The following PPP2R5D variants were observed in gnomAD, a reference collection of about 807,000 sequenced individuals.
PPP2R5D encodes serine/threonine-protein phosphatase 2A 56 kDa regulatory subunit delta isoform.
PPP2R5D carries 12 observed loss-of-function variants against 79.1 expected under a neutral mutation model. The observed-to-expected ratio is 0.15, with a 90% CI of 0.10 to 0.25. The LOEUF (loss-of-function observed/expected upper bound fraction) is 0.25, where lower values mean the gene tolerates loss of function less well. Among genes scored for constraint, PPP2R5D ranks in the 10% least tolerant of loss-of-function variants. PPP2R5D has a pLI of 1.00. For missense variants in PPP2R5D, 419 were observed against 760.2 expected, an observed-to-expected ratio of 0.55 and a Z score of 5.28; for synonymous variants, 277 against 286.6, an observed-to-expected ratio of 0.97 and a Z score of 0.34.
chr6:42,999,763 T>G (rs1772045080), intron 2 of PPP2R5D, among the ~76,000 whole-genome samples: 1 of 151,802 alleles, frequency 6.6e-6, no homozygotes, highest in South Asian at 2.1e-4. Flanking sequence ...GATAGGGTTT[T>G]GCTATGTTGG....
rs1561850470 is a variant in PPP2R5D, at chr6:43,007,628, AG to A, written c.726+124del. 2.0e-6 allele frequency: 2 copies of A among 1,009,906 alleles called. No individual in the cohort carries two copies. The highest frequency in any genetic ancestry group is 1.5e-6 in the Non-Finnish European group (1 of 669,216). The allele number at this position is 1,009,906 out of a possible 1,614,324, so 62.6% of individuals were successfully genotyped here. ...GGTTTCATCCATGTCTGGTACGAGG[AG>A]GCTATAAAGGGTAAAAAACAAAACA... On this transcript the variant is annotated intron_variant, in intron 6 of 15. Coordinates refer to ENST00000485511, the MANE Select transcript of PPP2R5D (RefSeq NM_006245.4). This position sits in a 1 kb window ranked among gnomAD's most constrained non-coding sequence, Gnocchi z 4.5.
At position 43,011,613 on chromosome 6, in the gene PPP2R5D, GCTC is replaced by G. The variant is rs1336860247; in HGVS notation, c.*331_*333del. The G allele has an allele frequency of 3.8e-5, 14 of 365,242 alleles. No homozygotes were observed. Among genetic ancestry groups the G allele is most frequent in the South Asian group, 1.0e-4 (3 of 29,742 alleles). 22.6% of individuals were successfully genotyped at this position (365,242 alleles called of 1,614,324 possible). A position where few individuals can be genotyped will look rare whatever the true frequency, so the allele number is the denominator to read the frequency against. ...GAGAAGTACACACAGGAATACATAC[GCTC>G]CTCTATTCTTCCCTTCATCCTCATT... On this transcript the variant is annotated 3_prime_UTR_variant, in exon 16 of 16. Coordinates refer to ENST00000485511, the MANE Select transcript of PPP2R5D (RefSeq NM_006245.4).
chr6:43,001,160 T>C (rs186577162), intron 2 of PPP2R5D, among the ~76,000 whole-genome samples: 19 of 152,030 alleles, frequency 1.2e-4, no homozygotes, highest in Admixed American at 8.5e-4. Context: ...CTTCCTTTTC[T>C]TTTTCTTTTT....
chr6:42,996,451 G>A (rs1771699983), intron 2 of PPP2R5D, among the ~76,000 whole-genome samples: 3 of 149,854 alleles, frequency 2.0e-5, no homozygotes, highest in African/African-American at 4.9e-5. Flanking sequence ...GTGACAGAGC[G>A]AGACTCCGTC....
rs779162472 is a variant in PPP2R5D at position 43,009,388 on chromosome 6, G to A, written c.1318G>A (p.Ala440Thr). Residue 440 changes from alanine (A) to threonine (T), a missense_variant, in exon 12 of 16, where the codon GCC becomes ACC. Ala to Thr is a moderately conservative substitution (Grantham distance 58). Around this residue, in one of 5 missense-constraint regions of PPP2R5D, gnomAD observed 196 missense variants for 424.5 expected, o/e 0.46. Coordinates refer to ENST00000485511, the MANE Select transcript of PPP2R5D (RefSeq NM_006245.4). The surrounding 1 kb of genome is among the most constrained non-coding windows in gnomAD (Gnocchi z 5.6). ...CATGAGCCTGATAAGTGACAATGCT[G>A]CCCGAGTCCTCCCCATCATGTTCCC... ...YIMSLISDNA[A>T]RVLPIMFPAL... The A allele has an allele frequency of 6.2e-7, 1 of 1,614,064 alleles. No homozygotes were observed. Among genetic ancestry groups the A allele is most frequent in the Non-Finnish European group, 8.5e-7 (1 of 1,180,020 alleles).
At position 42,989,656 on chromosome 6, in the gene PPP2R5D, G is replaced by T. The variant is rs1226397734; in HGVS notation, c.73G>T (p.Gly25Cys). Reference sequence around the variant, plus strand: ...ATGCACAGCCAAGCCTAGCAGCTCGGGCAAGGATGGTGGAGGCGAGAACAC... The same window carrying T: ...ATGCACAGCCAAGCCTAGCAGCTCGTGCAAGGATGGTGGAGGCGAGAACAC... ...AKCTAKPSSSGKDGGGENTEE... is the reference protein window; with the variant it reads ...AKCTAKPSSSCKDGGGENTEE... The change falls in exon 2 of 16, where the codon GGC becomes TGC. Residue 25 changes from glycine (G) to cysteine (C), a missense_variant. Transcript: ENST00000485511. 1 of 1,613,872 alleles carries T rather than the reference G, an allele frequency of 6.2e-7. No individual in the cohort carries two copies. Among genetic ancestry groups the T allele is most frequent in the Non-Finnish European group, 8.5e-7 (1 of 1,179,942 alleles).
At chr6:42,998,772 C>T (rs113805032) in intron 2 of PPP2R5D, among the ~76,000 whole-genome samples, 4 of 152,172 alleles carry the variant, frequency 2.6e-5, no homozygotes, top group Admixed American at 2.0e-4. Context: ...CGGTGGCTCA[C>T]GCCTGTAATC....
In PPP2R5D at chr6:43,007,147, G is replaced by A. The variant is rs776864617; in HGVS notation, c.522+37G>A. On this transcript the variant is annotated intron_variant, in intron 4 of 15. Coordinates refer to ENST00000485511, the MANE Select transcript of PPP2R5D (RefSeq NM_006245.4). This position sits in a 1 kb window ranked among gnomAD's most constrained non-coding sequence, Gnocchi z 4.5. Reference sequence around the variant, plus strand: ...GAAAGGACACAGGGGGGACTGGTGAGGGGCTCTGGAGAAGCCCAGGTGGAG... The same window carrying A: ...GAAAGGACACAGGGGGGACTGGTGAAGGGCTCTGGAGAAGCCCAGGTGGAG... 3.1e-6 allele frequency: 5 copies of A among 1,614,118 alleles called. 1 individual carries two copies. In the South Asian group the frequency reaches 4.4e-5, roughly 14 times the overall value.
At position 43,012,253 on chromosome 6, in the gene PPP2R5D, A is replaced by C; in HGVS notation, c.*967A>C. ...TTTGGCTGTGTACATAGGGTGCTTTATTCTCCACAGAGTGATACATGCTAA... is the reference window on the plus strand; with the variant it reads ...TTTGGCTGTGTACATAGGGTGCTTTCTTCTCCACAGAGTGATACATGCTAA... On this transcript the variant is annotated 3_prime_UTR_variant, in exon 16 of 16. Coordinates refer to ENST00000485511, the MANE Select transcript of PPP2R5D (RefSeq NM_006245.4). 7.7e-7 allele frequency: 1 copy of C among 1,291,960 alleles called. No individual in the cohort carries two copies. The highest frequency in any genetic ancestry group is 9.8e-7 in the Non-Finnish European group (1 of 1,018,326). The allele number at this position is 1,291,960 out of a possible 1,614,324, so 80.0% of individuals were successfully genotyped here.
intron 1 of PPP2R5D, among the ~76,000 whole-genome samples, chr6:42,986,028 C>T (rs375714895): frequency 9.9e-5 from 15 of 152,244 alleles, no homozygotes; most frequent in South Asian, 4.1e-4. Flanking sequence ...CTGACCCCCT[C>T]GGCCTCCCAA....
intron 2 of PPP2R5D, among the ~76,000 whole-genome samples, chr6:43,002,928 CT>C (rs1250472276): frequency 6.6e-6 from 1 of 152,128 alleles, no homozygotes; most frequent in Non-Finnish European, 1.5e-5. Flanking sequence ...GACATGGCCT[CT>C]GCCTAGTCCT....
In PPP2R5D at chr6:43,011,479, G is replaced by T; in HGVS notation, c.*193G>T. 1 of 715,094 alleles carries T rather than the reference G, an allele frequency of 1.4e-6. No individual in the cohort carries two copies. Among genetic ancestry groups the T allele is most frequent in the Non-Finnish European group, 2.3e-6 (1 of 442,528 alleles). 44.3% of individuals were successfully genotyped at this position (715,094 alleles called of 1,614,324 possible). A position where few individuals can be genotyped will look rare whatever the true frequency, so the allele number is the denominator to read the frequency against. ...CCTCTTCTCCCCAAAAGGTGTTCAT[G>T]CCTCCCTGTGGCTAGTACAGGCTGA... On this transcript the variant is annotated 3_prime_UTR_variant, in exon 16 of 16. Coordinates refer to ENST00000485511, the MANE Select transcript of PPP2R5D (RefSeq NM_006245.4).
intron 1 of PPP2R5D, among the ~76,000 whole-genome samples, chr6:42,988,195 T>C (rs1050442220): frequency 8.5e-5 from 13 of 152,202 alleles, no homozygotes; most frequent in Admixed American, 5.9e-4. Flanking sequence ...ATAGTCACAA[T>C]AACTCGATTT....
chr6:42,989,837 T>C, intron 2 of PPP2R5D, 149 bp downstream of exon 2: 1 of 702,704 alleles, frequency 1.4e-6, no homozygotes. Flanking sequence ...CAGACTGCCC[T>C]CAGGCAGGAT....
chr6:42,992,057 T>G (rs191134258), intron 2 of PPP2R5D, among the ~76,000 whole-genome samples: 20 of 152,234 alleles, frequency 1.3e-4, no homozygotes, highest in African/African-American at 4.8e-4. Context: ...GGCACAGTCC[T>G]TCCCTTGCCC....
chr6:43,007,694 A>G lies in PPP2R5D; in HGVS notation c.726+188A>G, dbSNP rs1329628880. On this transcript the variant is annotated intron_variant, in intron 6 of 15. Transcript: ENST00000485511. The surrounding 1 kb of genome is among the most constrained non-coding windows in gnomAD (Gnocchi z 4.5). Reference sequence around the variant, plus strand: ...TCTGGCCTTAAGAAACTAACAACATAATGGTAGGAAACAAAAAAGCAACAG... The same window carrying G: ...TCTGGCCTTAAGAAACTAACAACATGATGGTAGGAAACAAAAAAGCAACAG... Among the ~76,000 whole-genome samples the G allele has an allele frequency of 1.3e-5, 2 of 152,206 alleles. No individual in the cohort carries two copies. The highest frequency in any genetic ancestry group is 2.9e-5 in the Non-Finnish European group (2 of 68,042).
rs1388701864 is a variant in PPP2R5D, at chr6:43,009,033, C to G, written c.1081-24C>G. On this transcript the variant is annotated intron_variant, in intron 10 of 15. Coordinates refer to ENST00000485511, the MANE Select transcript of PPP2R5D (RefSeq NM_006245.4). The surrounding 1 kb of genome is among the most constrained non-coding windows in gnomAD (Gnocchi z 5.6). ...CTAGGCAGGTGCAAAGAATTTTCAT[C>G]CCCATGCCCTCCTTGTCTCCCAGGT... 1.9e-6 allele frequency: 3 copies of G among 1,608,006 alleles called. No individual in the cohort carries two copies. The African/African-American group carries it at 4.0e-5, about 22-fold the overall frequency.
chr6:43,009,831 C>G lies in PPP2R5D; in HGVS notation c.1379+382C>G, dbSNP rs1314561749. Reference sequence around the variant, plus strand: ...CCTGTAATCCTAGCACTTTGGGAGGCTGGCAAGGCGGGTGGATCACGAGGT... The same window carrying G: ...CCTGTAATCCTAGCACTTTGGGAGGGTGGCAAGGCGGGTGGATCACGAGGT... On this transcript the variant is annotated intron_variant, in intron 12 of 15. Transcript: ENST00000485511. The surrounding 1 kb of genome is among the most constrained non-coding windows in gnomAD (Gnocchi z 5.6). Among the ~76,000 whole-genome samples the G allele has an allele frequency of 1.3e-5, 2 of 152,140 alleles. No homozygotes were observed. The highest frequency in any genetic ancestry group is 1.3e-4 in the Admixed American group (2 of 15,274).
rs377523336 is a variant in PPP2R5D at position 43,004,870 on chromosome 6, C to T, written c.106-1593C>T. Among the ~76,000 whole-genome samples the T allele has an allele frequency of 3.0e-3, 455 of 151,762 alleles. 6 individuals are homozygous for T. The highest frequency in any genetic ancestry group is 9.8e-3 in the African/African-American group (404 of 41,394). On this transcript the variant is annotated intron_variant, in intron 2 of 15. Coordinates refer to ENST00000485511, the MANE Select transcript of PPP2R5D (RefSeq NM_006245.4). Reference sequence around the variant, plus strand: ...GTTCAAGTGATTCTCCTGCCTCAGCCTCCCGAGTAGCTGGGATTACAGGCA... The same window carrying T: ...GTTCAAGTGATTCTCCTGCCTCAGCTTCCCGAGTAGCTGGGATTACAGGCA...
Sources: gnomAD v4.1 joint callset for allele counts (sites outside exome capture counted in the v4.1 genomes callset) on GRCh38, gnomAD v4.1.1 for gene constraint, gnomAD v4.1.1 regional missense constraint, Gnocchi (gnomAD v3.1) non-coding constraint, MANE v1.5 for transcripts, NCBI Gene and HGNC (gene_info 2026-07-23, HGNC 2026-07-21) for gene names.